The following CCDC102B variants were observed in gnomAD, a reference collection of about 807,000 sequenced individuals.
The protein encoded by CCDC102B is coiled-coil domain-containing protein 102B.
A neutral mutation model predicts 57.4 loss-of-function variants in CCDC102B; 75 were observed. That is an observed-to-expected ratio of 1.31 (90% CI 1.08 to 1.58). CCDC102B has a LOEUF of 1.58. Among genes scored for constraint, CCDC102B ranks in the 40% most tolerant of loss-of-function variants. The pLI is 0.00. For synonymous variants in CCDC102B, 206 were observed against 201.9 expected (o/e 1.02, Z -0.17); for missense variants, 636 against 582.6 (o/e 1.09, Z -0.94).
intron 7 of CCDC102B, among the ~76,000 whole-genome samples, chr18:69,050,246 A>ACTTC (rs1433221610): frequency 1.3e-5 from 2 of 152,214 alleles, no homozygotes; most frequent in African/African-American, 4.8e-5. Flanking sequence ...ACAAAATAGC[A>ACTTC]CTTCGATAAG....
chr18:68,731,411 A>G (rs1183668142), intron 2 of CCDC102B, among the ~76,000 whole-genome samples: 1 of 152,154 alleles, frequency 6.6e-6, no homozygotes, highest in Non-Finnish European at 1.5e-5. Context: ...TTTGGCTTAT[A>G]TGAAAACTTG....
At position 68,788,731 on chromosome 18, in the gene CCDC102B, G is replaced by C. The variant is rs1326513968; in HGVS notation, c.-66-34635G>C. On this transcript the variant is annotated intron_variant, in intron 2 of 3. Transcript: ENST00000578970. Reference sequence around the variant, plus strand: ...TTTGAGCCTATGTGTGTCTCTGCACGTGAGATGGGTTTCCTGAATACAGCA... The same window carrying C: ...TTTGAGCCTATGTGTGTCTCTGCACCTGAGATGGGTTTCCTGAATACAGCA... Among the ~76,000 whole-genome samples, 675 of 150,610 alleles carry C rather than the reference G, an allele frequency of 4.5e-3. 16 individuals carry two copies. In the East Asian group the frequency reaches 0.077, roughly 17 times the overall value.
chr18:69,006,357 A>C (rs1210988042), intron 6 of CCDC102B, among the ~76,000 whole-genome samples: 34 of 151,898 alleles, frequency 2.2e-4, no homozygotes, highest in Admixed American at 2.2e-3. Flanking sequence ...AAATTAACAG[A>C]AATGAATGGA....
intron 2 of CCDC102B, among the ~76,000 whole-genome samples, chr18:68,731,805 T>G (rs991503478): frequency 6.7e-6 from 1 of 149,246 alleles, no homozygotes; most frequent in African/African-American, 2.4e-5. Context: ...AGACAGACAA[T>G]AGTCTTGAGA....
intron 6 of CCDC102B, among the ~76,000 whole-genome samples, chr18:68,931,680 G>A (rs904331181): frequency 3.9e-5 from 6 of 151,936 alleles, no homozygotes; most frequent in Non-Finnish European, 8.8e-5. Context: ...AGAAACACTA[G>A]TGGGGGCCTT....
At chr18:68,738,246 T>C (rs1416082561) in intron 2 of CCDC102B, among the ~76,000 whole-genome samples, 1 of 152,118 alleles carries the variant, frequency 6.6e-6, no homozygotes, top group Non-Finnish European at 1.5e-5. Context: ...GAGTTGATCG[T>C]ATGCAGGATC....
chr18:68,838,072 A>G (rs1265553072), intron 2 of CCDC102B, among the ~76,000 whole-genome samples: 1 of 152,206 alleles, frequency 6.6e-6, no homozygotes, highest in East Asian at 1.9e-4. Flanking sequence ...CTTATAAACC[A>G]GGGCAAATTT....
At chr18:68,946,868 A>C (rs1015275568) in intron 6 of CCDC102B, among the ~76,000 whole-genome samples, 9 of 151,936 alleles carry the variant, frequency 5.9e-5, no homozygotes, top group African/African-American at 1.9e-4. Flanking sequence ...TTATTCTGTG[A>C]GGGGAATAAT....
intron 6 of CCDC102B, among the ~76,000 whole-genome samples, chr18:68,916,124 T>C (rs2041064651): frequency 2.6e-5 from 4 of 150,982 alleles, no homozygotes; most frequent in African/African-American, 9.7e-5. Flanking sequence ...ATTAGATCAG[T>C]TAGTTTGGTT....
chr18:68,718,965 A>G lies in CCDC102B; in HGVS notation c.-67+2371A>G, dbSNP rs1312911364. Among the ~76,000 whole-genome samples the G allele has an allele frequency of 2.0e-5, 3 of 152,230 alleles. No homozygotes were observed. In the East Asian group the frequency reaches 5.8e-4, roughly 29 times the overall value. The stretch of plus-strand genomic sequence containing the variant: ...TGATTATAATCTTTATTTATTCAGT[A>G]TACTAATTACGTTAAAAATACTAGA... On this transcript the variant is annotated intron_variant, in intron 2 of 3. Transcript: ENST00000578970.
intron 4 of CCDC102B, among the ~76,000 whole-genome samples, chr18:68,858,636 T>G (rs1266932041): frequency 1.3e-5 from 2 of 152,142 alleles, no homozygotes; most frequent in Non-Finnish European, 2.9e-5. Flanking sequence ...ATCAATGGGT[T>G]GTATCCGTCA....
chr18:68,931,407 C>G (rs11873434), intron 6 of CCDC102B, among the ~76,000 whole-genome samples: 39,157 of 151,546 alleles, frequency 0.26, 6,502 homozygotes, highest in East Asian at 0.62. Context: ...TAATTTGGAC[C>G]AACACCTTCC....
At chr18:68,799,150 T>C (rs1427342172) in intron 1 of CCDC102B, among the ~76,000 whole-genome samples, 1 of 152,110 alleles carries the variant, frequency 6.6e-6, no homozygotes, top group Non-Finnish European at 1.5e-5. Flanking sequence ...CCAATAAATA[T>C]TTTTATATAT....
intron 6 of CCDC102B, among the ~76,000 whole-genome samples, chr18:68,920,326 T>A (rs1003746140): frequency 1.3e-5 from 2 of 152,134 alleles, no homozygotes; most frequent in African/African-American, 4.8e-5. Context: ...AACAGACCCA[T>A]AGGCCAATGG....
intron 2 of CCDC102B, among the ~76,000 whole-genome samples, chr18:68,762,639 T>C (rs571772773): frequency 6.6e-6 from 1 of 152,190 alleles, no homozygotes; most frequent in South Asian, 2.1e-4. Flanking sequence ...CTGTACTTAA[T>C]AAGGAAAGAA....
At chr18:68,788,794 C>T (rs1030501341) in intron 2 of CCDC102B, among the ~76,000 whole-genome samples, 1 of 151,864 alleles carries the variant, frequency 6.6e-6, no homozygotes, top group African/African-American at 2.4e-5. Flanking sequence ...ATTTGCCAGT[C>T]TGTGTCTTTT....
chr18:69,007,237 A>C (rs566221071), intron 6 of CCDC102B, among the ~76,000 whole-genome samples: 1 of 152,192 alleles, frequency 6.6e-6, no homozygotes, highest in African/African-American at 2.4e-5. Context: ...GAGGCACTCT[A>C]TGAACACAGT....
At chr18:68,898,438 T>C (rs1374532787) in intron 6 of CCDC102B, among the ~76,000 whole-genome samples, 1 of 152,100 alleles carries the variant, frequency 6.6e-6, no homozygotes, top group African/African-American at 2.4e-5. Flanking sequence ...TTAAATGTTA[T>C]AGTCCGTGAC....
chr18:68,882,704 C>T (rs1372364529), intron 5 of CCDC102B, among the ~76,000 whole-genome samples: 1 of 152,082 alleles, frequency 6.6e-6, no homozygotes, highest in East Asian at 1.9e-4. Context: ...GCCACATTTT[C>T]AAGAGAAGCC....
Sources: allele counts gnomAD v4.1 joint callset (sites outside exome capture counted in the v4.1 genomes callset), GRCh38; gene constraint gnomAD v4.1.1; transcripts MANE v1.5; gene names NCBI Gene and HGNC (gene_info 2026-07-23, HGNC 2026-07-21).